Variants in TMEM243 observed in about 807,000 individuals in gnomAD.
TMEM243 encodes the protein transmembrane protein 243, also known as MDR1 and mitochondrial taxol resistance associated.
A neutral mutation model predicts 15.0 loss-of-function variants in TMEM243; 20 were observed. That is an observed-to-expected ratio of 1.33 (90% CI 0.94 to 1.93). The LOEUF is 1.93. Among genes scored for constraint, TMEM243 ranks in the 30% most tolerant of loss-of-function variants. The probability of loss-of-function intolerance (pLI) is 0.00; values close to 1 mark genes in which losing one functional copy is unlikely to be tolerated. For missense variants in TMEM243, 156 were observed against 142.1 expected (o/e 1.10, Z -0.50); for synonymous variants, 72 against 52.7 (o/e 1.37, Z -1.59).
At chr7:87,208,351 G>A (rs1802375269) in intron 1 of TMEM243, among the ~76,000 whole-genome samples, 1 of 152,086 alleles carries the variant, frequency 6.6e-6, no homozygotes, top group Admixed American at 6.5e-5. Context: ...AAAACAAAGG[G>A]GCTACAGGCC....
intron 1 of TMEM243, among the ~76,000 whole-genome samples, chr7:87,202,130 A>G (rs1445441009): frequency 6.6e-6 from 1 of 152,222 alleles, no homozygotes; most frequent in Non-Finnish European, 1.5e-5. Context: ...ATTATCTACT[A>G]TAATTCAGAT....
rs1802316197 is a variant in TMEM243 at position 87,207,499 on chromosome 7, G to A, written c.79-8442C>T. Among the ~76,000 whole-genome samples, 5 of 21,448 alleles carry A rather than the reference G, an allele frequency of 2.3e-4. 2 individuals carry two copies. The highest frequency in any genetic ancestry group is 1.8e-3 in the Admixed American group (5 of 2,808). The allele number at this position is 21,448 out of a possible 152,430, so 14.1% of individuals were successfully genotyped here. On this transcript the variant is annotated intron_variant, in intron 1 of 3. Transcript: ENST00000257637. ...TAGTCCCAGCTACTCGGGAGGCTGAGGCAGGAGAATGGCGTGAACCTGGGA... is the reference window on the plus strand; with the variant it reads ...TAGTCCCAGCTACTCGGGAGGCTGAAGCAGGAGAATGGCGTGAACCTGGGA...
Position 87,209,855 on chromosome 7 carries a change from A to C in TMEM243, c.78+9571T>G, listed in dbSNP as rs550550304. On this transcript the variant is annotated intron_variant, in intron 1 of 3. Coordinates refer to ENST00000257637, the MANE Select transcript of TMEM243 (RefSeq NM_024315.4). ...GTGAGAGAGAGACAGTGAGAGCGAGAGAGAGAGAGAGCAAGAGACAGTGAG... is the reference window on the plus strand; with the variant it reads ...GTGAGAGAGAGACAGTGAGAGCGAGCGAGAGAGAGAGCAAGAGACAGTGAG... Among the ~76,000 whole-genome samples, 293 of 146,034 alleles carry C rather than the reference A, an allele frequency of 2.0e-3. 12 individuals are homozygous for C. Among genetic ancestry groups the C allele is most frequent in the African/African-American group, 6.5e-3 (254 of 38,932 alleles).
intron 3 of TMEM243, among the ~76,000 whole-genome samples, 198 bp from the exon 4 acceptor site, chr7:87,196,956 T>A (rs1244338785): frequency 6.6e-6 from 1 of 152,018 alleles, no homozygotes; most frequent in East Asian, 1.9e-4. Flanking sequence ...ATCATACTTA[T>A]TCCTACTTTC....
At chr7:87,210,210 C>T (rs1047016407) in intron 1 of TMEM243, among the ~76,000 whole-genome samples, 2 of 152,150 alleles carry the variant, frequency 1.3e-5, no homozygotes, top group South Asian at 2.1e-4. Context: ...GACCTGATCA[C>T]GTCCCTCCCT....
chr7:87,207,138 C>T (rs1013648012), intron 1 of TMEM243, among the ~76,000 whole-genome samples: 5 of 152,228 alleles, frequency 3.3e-5, no homozygotes, highest in African/African-American at 2.4e-5. Flanking sequence ...CTGAGGTCCA[C>T]GTTTTCCTGA....
chr7:87,206,698 C>G (rs1802244446), intron 1 of TMEM243, among the ~76,000 whole-genome samples: 1 of 152,166 alleles, frequency 6.6e-6, no homozygotes, highest in Non-Finnish European at 1.5e-5. Flanking sequence ...CTGAAGTTTT[C>G]CATTTAATAT....
At position 87,214,756 on chromosome 7, in the gene TMEM243, T is replaced by C. The variant is rs577596434; in HGVS notation, c.78+4670A>G. Among the ~76,000 whole-genome samples the C allele has an allele frequency of 3.3e-5, 5 of 152,346 alleles. No homozygotes were observed. In the South Asian group the frequency reaches 8.3e-4, roughly 25 times the overall value. On this transcript the variant is annotated intron_variant, in intron 1 of 3. Coordinates refer to ENST00000257637, the MANE Select transcript of TMEM243 (RefSeq NM_024315.4). Reference sequence around the variant, plus strand: ...GTTGGGTATCCCTTATCCAAAATGCTTGGGACCAGAAGCGTTTCTGATTTC... The same window carrying C: ...GTTGGGTATCCCTTATCCAAAATGCCTGGGACCAGAAGCGTTTCTGATTTC...
intron 1 of TMEM243, among the ~76,000 whole-genome samples, chr7:87,207,639 T>C (rs1237322992): frequency 1.3e-5 from 2 of 152,176 alleles, no homozygotes; most frequent in African/African-American, 4.8e-5. Flanking sequence ...GACAATGCCA[T>C]GAAGACATTC....
intron 2 of TMEM243, 86 bp from the exon 3 acceptor site, chr7:87,198,131 A>G (rs755339824): frequency 8.2e-6 from 9 of 1,094,014 alleles, no homozygotes; most frequent in Non-Finnish European, 1.1e-5. Flanking sequence ...CAGTACTACA[A>G]AATGCTTCAT....
chr7:87,217,770 G>A (rs555991649), intron 1 of TMEM243, among the ~76,000 whole-genome samples: 21 of 152,290 alleles, frequency 1.4e-4, no homozygotes, highest in Middle Eastern at 3.4e-3. Context: ...AAGTAAGTAC[G>A]CAATAAAAGA....
intron 1 of TMEM243, among the ~76,000 whole-genome samples, chr7:87,219,143 C>T (rs1803309578): frequency 6.6e-6 from 1 of 152,128 alleles, no homozygotes; most frequent in South Asian, 2.1e-4. Flanking sequence ...CTAAATCAAC[C>T]TCCCCTCCGG....
intron 1 of TMEM243, among the ~76,000 whole-genome samples, chr7:87,209,821 C>CGAGAGACAGA (rs1562885621): frequency 3.4e-5 from 2 of 59,208 alleles, no homozygotes; most frequent in African/African-American, 1.4e-4. Flanking sequence ...AGTGAGAGAG[C>CGAGAGACAGA]GAGAGACAGT....
Position 87,196,327 on chromosome 7 carries a change from A to G in TMEM243, c.*309T>C. 1 of 224,280 alleles carries G rather than the reference A, an allele frequency of 4.5e-6. No individual in the cohort carries two copies. Among genetic ancestry groups the G allele is most frequent in the Admixed American group, 6.0e-5 (1 of 16,752 alleles). 13.9% of individuals were successfully genotyped at this position (224,280 alleles called of 1,614,324 possible). On this transcript the variant is annotated 3_prime_UTR_variant, in exon 4 of 4. Coordinates refer to ENST00000257637, the MANE Select transcript of TMEM243 (RefSeq NM_024315.4). Reference sequence around the variant, plus strand: ...GAAATAAAAGAATATTTGTCTTAAGATGCAAGATTTGTTTTTACATAGCCT... The same window carrying G: ...GAAATAAAAGAATATTTGTCTTAAGGTGCAAGATTTGTTTTTACATAGCCT...
intron 1 of TMEM243, among the ~76,000 whole-genome samples, 194 bp downstream of exon 1, chr7:87,219,232 C>T (rs1447662129): frequency 6.6e-6 from 1 of 152,218 alleles, no homozygotes; most frequent in East Asian, 1.9e-4. Context: ...GCCTTCAAGG[C>T]TCTTAGCCAA....
intron 1 of TMEM243, among the ~76,000 whole-genome samples, chr7:87,211,738 C>T (rs1802765371): frequency 6.6e-6 from 1 of 152,218 alleles, no homozygotes; most frequent in African/African-American, 2.4e-5. Context: ...AGCAGCATGG[C>T]TCTGACTGTA....
chr7:87,200,113 A>G (rs1801676459), intron 1 of TMEM243, among the ~76,000 whole-genome samples: 2 of 152,170 alleles, frequency 1.3e-5, no homozygotes, highest in South Asian at 4.1e-4. Context: ...AACCCACAGA[A>G]GTTAAGAGTC....
chr7:87,206,248 A>G (rs1396163023), intron 1 of TMEM243, among the ~76,000 whole-genome samples: 2 of 152,196 alleles, frequency 1.3e-5, no homozygotes, highest in Non-Finnish European at 2.9e-5. Flanking sequence ...TTGGGTGAGG[A>G]CACAGGCAAA....
Position 87,196,474 on chromosome 7 carries a change from G to T in TMEM243, c.*162C>A. The T allele has an allele frequency of 1.5e-6, 1 of 676,958 alleles. No homozygotes were observed. Among genetic ancestry groups the T allele is most frequent in the Non-Finnish European group, 2.4e-6 (1 of 419,898 alleles). 41.9% of individuals were successfully genotyped at this position (676,958 alleles called of 1,614,324 possible). ...CTTAAAGAAAAAGCAAAGTGATCTA[G>T]GATATGTCTCCCTTGCAAGAGGGAA... On this transcript the variant is annotated 3_prime_UTR_variant, in exon 4 of 4. Transcript: ENST00000257637.
Sources: allele counts gnomAD v4.1 joint callset (sites outside exome capture counted in the v4.1 genomes callset), GRCh38; gene constraint gnomAD v4.1.1; transcripts MANE v1.5; gene names NCBI Gene and HGNC (gene_info 2026-07-23, HGNC 2026-07-21).